The following PPIB variants were observed in gnomAD, a reference collection of about 807,000 sequenced individuals.
The protein encoded by PPIB is peptidyl-prolyl cis-trans isomerase B.
In PPIB, 15 loss-of-function variants were observed where a neutral mutation model predicts 20.1. That is an observed-to-expected ratio of 0.75 (90% confidence interval 0.50 to 1.15). PPIB has a LOEUF of 1.15. Among genes scored for constraint, PPIB ranks in the 50% most tolerant of loss-of-function variants. The pLI is 0.00. For synonymous variants in PPIB, 129 were observed against 111.0 expected (o/e 1.16, Z -1.02); for missense variants, 278 against 283.0 (o/e 0.98, Z 0.13).
At position 64,156,737 on chromosome 15, in the gene PPIB, A is replaced by C; in HGVS notation, c.516T>G (p.Val172=). Reference sequence around the variant, plus strand: ...TTCCACAACTCACCATGCCCTCTAGAACTTTGCCAAACACCACATGCTTGC... The same window carrying C: ...TTCCACAACTCACCATGCCCTCTAGCACTTTGCCAAACACCACATGCTTGC... ...LDGKHVVFGK[V]LEGMEVVRKV... is the part of the protein sequence containing the mutation. The change falls in exon 4 of 5, where the codon GTT becomes GTG. Residue 172 remains valine (V), a synonymous_variant. Coordinates refer to ENST00000300026, the MANE Select transcript of PPIB (RefSeq NM_000942.5). The surrounding 1 kb of genome is among the most constrained non-coding windows in gnomAD (Gnocchi z 6.4). 1 of 1,614,094 alleles carries C rather than the reference A, an allele frequency of 6.2e-7. No individual in the cohort carries two copies. Among genetic ancestry groups the C allele is most frequent in the South Asian group, 1.1e-5 (1 of 91,064 alleles).
At position 64,161,032 on chromosome 15, in the gene PPIB, C is replaced by T. The variant is rs1188954782; in HGVS notation, c.250-835G>A. Among the ~76,000 whole-genome samples the T allele has an allele frequency of 1.3e-5, 2 of 152,110 alleles. No individual in the cohort carries two copies. Among genetic ancestry groups the T allele is most frequent in the East Asian group, 3.9e-4 (2 of 5,190 alleles). On this transcript the variant is annotated intron_variant, in intron 2 of 4. Transcript: ENST00000300026. The surrounding 1 kb of genome is among the most constrained non-coding windows in gnomAD (Gnocchi z 4.2). ...CTAGAGTGCAGTGGGGCAATCTCGG[C>T]TCACTGCAACCTCCACCTCCTGGGT... is the stretch of plus-strand genomic sequence containing the variant.
Position 64,157,055 on chromosome 15 carries a change from C to T in PPIB, c.344-146G>A. 2.3e-6 allele frequency: 2 copies of T among 881,278 alleles called. No homozygotes were observed. Among genetic ancestry groups the T allele is most frequent in the South Asian group, 1.7e-5 (1 of 57,798 alleles). 54.6% of individuals were successfully genotyped at this position (881,278 alleles called of 1,614,324 possible). On this transcript the variant is annotated intron_variant, in intron 3 of 4. Coordinates refer to ENST00000300026, the MANE Select transcript of PPIB (RefSeq NM_000942.5). This position sits in a 1 kb window ranked among gnomAD's most constrained non-coding sequence, Gnocchi z 4.2. The stretch of plus-strand genomic sequence containing the variant: ...CAAGGACATAAAAGCAGCGTCCTTC[C>T]TATCTTCTGGCCTCAGAGCCAAGCC...
rs1239919004 is a variant in PPIB, at chr15:64,158,732, C to A, written c.343+1372G>T. On this transcript the variant is annotated intron_variant, in intron 3 of 4. Coordinates refer to ENST00000300026, the MANE Select transcript of PPIB (RefSeq NM_000942.5). The surrounding 1 kb of genome is among the most constrained non-coding windows in gnomAD (Gnocchi z 4.7). ...CCAAGCTCCTGCCACAGAACAGCACCGGGCTCATGCCCTAACCCTGCCTCT... is the reference window on the plus strand; with the variant it reads ...CCAAGCTCCTGCCACAGAACAGCACAGGGCTCATGCCCTAACCCTGCCTCT... Among the ~76,000 whole-genome samples the A allele has an allele frequency of 1.3e-5, 2 of 152,244 alleles. No homozygotes were observed.
chr15:64,155,986 G>A lies in PPIB; in HGVS notation c.*37C>T, dbSNP rs2081526915. 3 of 1,613,844 alleles carry A rather than the reference G, an allele frequency of 1.9e-6. No individual in the cohort carries two copies. The highest frequency in any genetic ancestry group is 2.5e-6 in the Non-Finnish European group (3 of 1,179,912). On this transcript the variant is annotated 3_prime_UTR_variant, in exon 5 of 5. Transcript: ENST00000300026. The stretch of plus-strand genomic sequence containing the variant: ...AGCCCTGTGGCGGACTACAGGGCCT[G>A]CACAGACGGTCACTCAAAGAAAGAT...
chr15:64,156,440 C>T lies in PPIB; in HGVS notation c.528+285G>A. The T allele has an allele frequency of 3.2e-6, 2 of 617,006 alleles. No homozygotes were observed. Among genetic ancestry groups the T allele is most frequent in the Middle Eastern group, 4.3e-4 (1 of 2,304 alleles). 38.2% of individuals were successfully genotyped at this position (617,006 alleles called of 1,614,324 possible). On this transcript the variant is annotated intron_variant, in intron 4 of 4. Transcript: ENST00000300026. The surrounding 1 kb of genome is among the most constrained non-coding windows in gnomAD (Gnocchi z 6.4). ...TTCTCAGGGACATTGCGTTCAGCTG[C>T]ACTCTGTATACCTCAGGGGTGGGAC...
At chr15:64,162,013 G>T (rs1230278086) in intron 2 of PPIB, 28 bp downstream of exon 2, 8 of 1,530,790 alleles carry the variant, frequency 5.2e-6, no homozygotes, top group Non-Finnish European at 7.2e-6. Context: ...CTTCATGTGA[G>T]TTGACTACCC....
intron 1 of PPIB, 128 bp downstream of exon 1, chr15:64,162,724 T>C (rs1232975733): frequency 2.0e-6 from 3 of 1,464,726 alleles, no homozygotes; most frequent in African/African-American, 1.4e-5. Context: ...CTGGACTGAA[T>C]GGGCAGGACG....
In PPIB at chr15:64,160,502, A is replaced by G. The variant is rs1258632372; in HGVS notation, c.250-305T>C. Among the ~76,000 whole-genome samples the G allele has an allele frequency of 6.6e-6, 1 of 152,222 alleles. No individual in the cohort carries two copies. Among genetic ancestry groups the G allele is most frequent in the Non-Finnish European group, 1.5e-5 (1 of 68,034 alleles). ...GAACAGATACAAGAAAACTGAGAAG[A>G]AAGGTCACCTGCTGGCTCAATGGAA... is the stretch of plus-strand genomic sequence containing the variant. On this transcript the variant is annotated intron_variant, in intron 2 of 4. Coordinates refer to ENST00000300026, the MANE Select transcript of PPIB (RefSeq NM_000942.5). The surrounding 1 kb of genome is among the most constrained non-coding windows in gnomAD (Gnocchi z 4.8).
Position 64,162,117 on chromosome 15 carries a change from C to A in PPIB, c.173G>T (p.Gly58Val). ...FDLRIGDEDV[G>V]RVIFGLFGKT... ...TCCGAAGAGACCAAAGATCACCCGGCCTACATCTTCATCTCCAATTCGTAG... is the reference window on the plus strand; with the variant it reads ...TCCGAAGAGACCAAAGATCACCCGGACTACATCTTCATCTCCAATTCGTAG... Residue 58 changes from glycine to valine, a missense_variant, in exon 2 of 5, where the codon GGC becomes GTC. By Grantham distance (109) the Gly-to-Val change is moderately radical (BLOSUM62 -3). Coordinates refer to ENST00000300026, the MANE Select transcript of PPIB (RefSeq NM_000942.5). The A allele has an allele frequency of 6.2e-7, 1 of 1,614,116 alleles. No homozygotes were observed. The highest frequency in any genetic ancestry group is 8.5e-7 in the Non-Finnish European group (1 of 1,179,974).
Position 64,159,479 on chromosome 15 carries a change from C to A in PPIB, c.343+625G>T, listed in dbSNP as rs1276585558. On this transcript the variant is annotated intron_variant, in intron 3 of 4. Transcript: ENST00000300026. This position sits in a 1 kb window ranked among gnomAD's most constrained non-coding sequence, Gnocchi z 5.1. ...GCAGTGGCGTGATTTCGGCTCACTG[C>A]AACCTCCGCCTCCCAGGTTCAAGCA... 2 of 156,914 alleles carry A rather than the reference C, an allele frequency of 1.3e-5. No individual in the cohort carries two copies. The highest frequency in any genetic ancestry group is 1.2e-4 in the Admixed American group (2 of 16,238). The allele number at this position is 156,914 out of a possible 1,614,324, so 9.7% of individuals were successfully genotyped here. A position where few individuals can be genotyped will look rare whatever the true frequency, so the allele number is the denominator to read the frequency against.
chr15:64,160,186 G>A lies in PPIB; in HGVS notation c.261C>T (p.Gly87=). Residue 87 remains glycine, a synonymous_variant, in exon 3 of 5, where the codon GGC becomes GGT. Transcript: ENST00000300026. The surrounding 1 kb of genome is among the most constrained non-coding windows in gnomAD (Gnocchi z 4.8). ...CACGATGGAATTTGCTGTTTTTGTA[G>A]CCAAATCCTTTCTAGAAAAAGGGAA... The part of the protein sequence containing the change: ...VALATGEKGF[G]YKNSKFHRVI... 6.2e-7 allele frequency: 1 copy of A among 1,613,050 alleles called. No homozygotes were observed. Among genetic ancestry groups the A allele is most frequent in the Non-Finnish European group, 8.5e-7 (1 of 1,179,016 alleles).
Position 64,156,601 on chromosome 15 carries a change from T to TG in PPIB, c.528+123dup. The TG allele has an allele frequency of 8.5e-7, 1 of 1,172,060 alleles. No individual in the cohort carries two copies. The highest frequency in any genetic ancestry group is 1.5e-5 in the African/African-American group (1 of 66,278). The allele number at this position is 1,172,060 out of a possible 1,614,324, so 72.6% of individuals were successfully genotyped here. ...CAGGGTTTATTCTGGACAGGAGCAC[T>TG]GGGCTGCATCTGTGGGTTGGGTCCT... On this transcript the variant is annotated intron_variant, in intron 4 of 4. Coordinates refer to ENST00000300026, the MANE Select transcript of PPIB (RefSeq NM_000942.5). The surrounding 1 kb of genome is among the most constrained non-coding windows in gnomAD (Gnocchi z 6.4).
chr15:64,158,262 C>T lies in PPIB; in HGVS notation c.344-1353G>A, dbSNP rs2081546647. ...TTCCCACCACCACCGCTGCAGTAGG[C>T]GAGTGCTTAGGGTGCTCATAGTGTG... On this transcript the variant is annotated intron_variant, in intron 3 of 4. Transcript: ENST00000300026. This position sits in a 1 kb window ranked among gnomAD's most constrained non-coding sequence, Gnocchi z 4.7. Among the ~76,000 whole-genome samples the T allele has an allele frequency of 3.3e-5, 5 of 152,168 alleles. No individual in the cohort carries two copies. The South Asian group carries it at 8.3e-4, about 25-fold the overall frequency.
chr15:64,162,198 G>C (rs765720027), intron 1 of PPIB, 44 bp from the exon 2 acceptor site: 3 of 1,414,408 alleles, frequency 2.1e-6, no homozygotes, highest in Non-Finnish European at 3.0e-6. Flanking sequence ...TTAAAGGGGC[G>C]TTGCTAGGGG....
In PPIB at chr15:64,161,191, A is replaced by G. The variant is rs1406877336; in HGVS notation, c.249+850T>C. On this transcript the variant is annotated intron_variant, in intron 2 of 4. Coordinates refer to ENST00000300026, the MANE Select transcript of PPIB (RefSeq NM_000942.5). The surrounding 1 kb of genome is among the most constrained non-coding windows in gnomAD (Gnocchi z 4.2). Reference sequence around the variant, plus strand: ...TGGCCAGGCTGGTCTCGAACTCCTGACCTCAGGTGATCTACCCGCCTCAGC... The same window carrying G: ...TGGCCAGGCTGGTCTCGAACTCCTGGCCTCAGGTGATCTACCCGCCTCAGC... 6.6e-6 allele frequency among the ~76,000 whole-genome samples: 1 copy of G among 150,658 alleles called. No individual in the cohort carries two copies. The highest frequency in any genetic ancestry group is 2.0e-4 in the East Asian group (1 of 5,068).
rs772926623 is a variant in PPIB, at chr15:64,160,228, G to A, written c.250-31C>T. 1.3e-6 allele frequency: 2 copies of A among 1,540,610 alleles called. No individual in the cohort carries two copies. Among genetic ancestry groups the A allele is most frequent in the Non-Finnish European group, 1.8e-6 (2 of 1,113,120 alleles). On this transcript the variant is annotated intron_variant, in intron 2 of 4. Coordinates refer to ENST00000300026, the MANE Select transcript of PPIB (RefSeq NM_000942.5). The surrounding 1 kb of genome is among the most constrained non-coding windows in gnomAD (Gnocchi z 4.8). ...AAAAGGGAAGAGAAGGTAAGGAGGTGGTATGGGGCAGCAGGAAGACATTAC... is the reference window on the plus strand; with the variant it reads ...AAAAGGGAAGAGAAGGTAAGGAGGTAGTATGGGGCAGCAGGAAGACATTAC...
rs2081533775 is a variant in PPIB, at chr15:64,156,652, G to C, written c.528+73C>G. Reference sequence around the variant, plus strand: ...TTTGGGAAAGGGATGGACACATGGAGCTCCTGCCCTGGGGTCTGTGTTGAA... The same window carrying C: ...TTTGGGAAAGGGATGGACACATGGACCTCCTGCCCTGGGGTCTGTGTTGAA... On this transcript the variant is annotated intron_variant, in intron 4 of 4. Coordinates refer to ENST00000300026, the MANE Select transcript of PPIB (RefSeq NM_000942.5). This position sits in a 1 kb window ranked among gnomAD's most constrained non-coding sequence, Gnocchi z 6.4. 6.4e-7 allele frequency: 1 copy of C among 1,566,190 alleles called. No individual in the cohort carries two copies.
intron 1 of PPIB, 56 bp downstream of exon 1, chr15:64,162,796 C>A: frequency 1.3e-6 from 2 of 1,584,760 alleles, no homozygotes; most frequent in Non-Finnish European, 1.7e-6. Flanking sequence ...CAAGGCCAAG[C>A]CAAGGCCGCC....
Position 64,156,554 on chromosome 15 carries a change from G to T in PPIB, c.528+171C>A, listed in dbSNP as rs147098192. On this transcript the variant is annotated intron_variant, in intron 4 of 4. Coordinates refer to ENST00000300026, the MANE Select transcript of PPIB (RefSeq NM_000942.5). This position sits in a 1 kb window ranked among gnomAD's most constrained non-coding sequence, Gnocchi z 6.4. Reference sequence around the variant, plus strand: ...GCTCTGAGGGGGCTGGAAGAATTTAGAACCTTGGAGGCATGGAGGTACAGG... The same window carrying T: ...GCTCTGAGGGGGCTGGAAGAATTTATAACCTTGGAGGCATGGAGGTACAGG... 792 of 860,422 alleles carry T rather than the reference G, an allele frequency of 9.2e-4. 7 individuals carry two copies. Among genetic ancestry groups the T allele is most frequent in the Middle Eastern group, 7.6e-3 (24 of 3,144 alleles). The allele number at this position is 860,422 out of a possible 1,614,324, so 53.3% of individuals were successfully genotyped here.
Sources: gnomAD v4.1 joint callset for allele counts (sites outside exome capture counted in the v4.1 genomes callset) on GRCh38, gnomAD v4.1.1 for gene constraint, Gnocchi (gnomAD v3.1) non-coding constraint, MANE v1.5 for transcripts, NCBI Gene and HGNC (gene_info 2026-07-23, HGNC 2026-07-21) for gene names.